The following TNFRSF21 variants were observed in gnomAD, a reference collection of about 807,000 sequenced individuals.
TNFRSF21 encodes the protein TNF receptor superfamily member 21, also known as tumor necrosis factor receptor superfamily member 21.
A neutral mutation model predicts 45.6 loss-of-function variants in TNFRSF21; 19 were observed. That is an observed-to-expected ratio of 0.42 (90% CI 0.29 to 0.61). The LOEUF is 0.61. Among genes scored for constraint, TNFRSF21 ranks in the 20% least tolerant of loss-of-function variants. The pLI, the probability that TNFRSF21 is intolerant of heterozygous loss-of-function variation, is 0.23. For missense variants in TNFRSF21, 737 were observed against 851.5 expected, an observed-to-expected ratio of 0.87 and a Z score of 1.67; for synonymous variants, 314 against 335.5, an observed-to-expected ratio of 0.94 and a Z score of 0.70.
intron 4 of TNFRSF21, among the ~76,000 whole-genome samples, chr6:47,246,165 T>C (rs1764822254): frequency 6.6e-6 from 1 of 152,220 alleles, no homozygotes; most frequent in African/African-American, 2.4e-5. Flanking sequence ...TGAAGCTTGC[T>C]AAATAAACCA....
chr6:47,242,656 C>CT (rs1764763711), intron 4 of TNFRSF21, among the ~76,000 whole-genome samples: 2 of 152,180 alleles, frequency 1.3e-5, no homozygotes, highest in Non-Finnish European at 2.9e-5. Context: ...GCTACCGGCA[C>CT]GGGTGTCTGC....
At chr6:47,298,004 T>C (rs1762813972) in intron 1 of TNFRSF21, among the ~76,000 whole-genome samples, 1 of 152,116 alleles carries the variant, frequency 6.6e-6, no homozygotes, top group Non-Finnish European at 1.5e-5. Flanking sequence ...ATGGGCCCAC[T>C]AGCATTTTCA....
chr6:47,241,314 G>A (rs376952301), intron 4 of TNFRSF21, among the ~76,000 whole-genome samples: 2 of 152,012 alleles, frequency 1.3e-5, no homozygotes, highest in Non-Finnish European at 2.9e-5. Context: ...TAAAATACTT[G>A]TATATAATGA....
chr6:47,234,429 GGCCGATA>G (rs1461094212), intron 5 of TNFRSF21, among the ~76,000 whole-genome samples: 2 of 152,226 alleles, frequency 1.3e-5, no homozygotes, highest in African/African-American at 4.8e-5. Flanking sequence ...GATAAAGGGT[GGCCGATA>G]GCTCTCCACC....
At chr6:47,274,524 C>T (rs1762468940) in intron 3 of TNFRSF21, among the ~76,000 whole-genome samples, 1 of 152,124 alleles carries the variant, frequency 6.6e-6, no homozygotes, top group South Asian at 2.1e-4. Context: ...AGACCTAAAA[C>T]CATAAAAACT....
chr6:47,271,079 T>A (rs770999092), intron 3 of TNFRSF21, among the ~76,000 whole-genome samples: 1 of 152,194 alleles, frequency 6.6e-6, no homozygotes, highest in Non-Finnish European at 1.5e-5. Flanking sequence ...TGGAACCAAG[T>A]TGGAAAACAC....
Position 47,284,141 on chromosome 6 carries a change from T to C in TNFRSF21, c.1040A>G (p.Asn347Ser), listed in dbSNP as rs1238790117. 1.9e-6 allele frequency: 3 copies of C among 1,614,196 alleles called. No homozygotes were observed. Among genetic ancestry groups the C allele is most frequent in the Non-Finnish European group, 2.5e-6 (3 of 1,180,026 alleles). ...RQNLHKHFDI[N>S]EHLPWMIVLF... ...CACAATCATCCAGGGCAAATGCTCATTGATGTCAAAATGCTTGTGTAGGTT... is the reference window on the plus strand; with the variant it reads ...CACAATCATCCAGGGCAAATGCTCACTGATGTCAAAATGCTTGTGTAGGTT... Residue 347 changes from asparagine (N) to serine (S), a missense_variant, in exon 3 of 6, where the codon AAT (asparagine) becomes AGT (serine). Asn to Ser is a conservative substitution (Grantham distance 46, BLOSUM62 1). Coordinates refer to ENST00000296861, the MANE Select transcript of TNFRSF21 (RefSeq NM_014452.5).
At chr6:47,259,341 G>A (rs984069210) in intron 3 of TNFRSF21, among the ~76,000 whole-genome samples, 1 of 151,846 alleles carries the variant, frequency 6.6e-6, no homozygotes, top group South Asian at 2.1e-4. Flanking sequence ...CCACTGAAGG[G>A]CTGATAGACA....
At position 47,234,678 on chromosome 6, in the gene TNFRSF21, A is replaced by G; in HGVS notation, c.1730T>C (p.Ile577Thr). ...TGCTGCGATGCCCGTACCTTTGGTA[A>G]TAAAGGAACCGTTCCTGCTCAGCGC... ...SSALSRNGSF[I>T]TKEKKDTVLR... Residue 577 changes from isoleucine (I) to threonine (T), a missense_variant, in exon 5 of 6, where the codon ATT (isoleucine) becomes ACT (threonine). Physicochemically the swap from Ile to Thr is moderately conservative, Grantham distance 89 (BLOSUM62 -1). Coordinates refer to ENST00000296861, the MANE Select transcript of TNFRSF21 (RefSeq NM_014452.5). 1 of 1,608,236 alleles carries G rather than the reference A, an allele frequency of 6.2e-7. No homozygotes were observed. The highest frequency in any genetic ancestry group is 8.5e-7 in the Non-Finnish European group (1 of 1,177,390).
At chr6:47,273,379 T>C (rs181181891) in intron 3 of TNFRSF21, among the ~76,000 whole-genome samples, 219 of 152,300 alleles carry the variant, frequency 1.4e-3, no homozygotes, top group African/African-American at 2.2e-3. Flanking sequence ...TCAATAAATG[T>C]AATCCATCAC....
At chr6:47,294,487 A>G (rs900735673) in intron 1 of TNFRSF21, among the ~76,000 whole-genome samples, 12 of 152,186 alleles carry the variant, frequency 7.9e-5, no homozygotes, top group African/African-American at 2.9e-4. Context: ...AAGCCTCCAC[A>G]ATGTAGCCAC....
Position 47,234,914 on chromosome 6 carries a change from T to A in TNFRSF21, c.1510-16A>T, listed in dbSNP as rs972222204. The A allele has an allele frequency of 2.3e-5, 29 of 1,285,122 alleles. No homozygotes were observed. The highest frequency in any genetic ancestry group is 3.1e-5 in the East Asian group (1 of 32,010). 79.6% of individuals were successfully genotyped at this position (1,285,122 alleles called of 1,614,324 possible). The stretch of plus-strand genomic sequence containing the variant: ...CAGTTTCCAGCTGTAGGAGGGAAAA[T>A]TTTTTTTTATTATATATAGAAAAAA... On this transcript the variant is annotated splice_polypyrimidine_tract_variant and intron_variant, in intron 4 of 5. Transcript: ENST00000296861.
At chr6:47,287,981 G>A (rs1018950922) in intron 1 of TNFRSF21, among the ~76,000 whole-genome samples, 5 of 152,284 alleles carry the variant, frequency 3.3e-5, no homozygotes, top group Admixed American at 3.3e-4. Context: ...CACTTTGAAA[G>A]CTGGTTGGTA....
chr6:47,272,738 G>C (rs1026016928), intron 3 of TNFRSF21, among the ~76,000 whole-genome samples: 9 of 152,068 alleles, frequency 5.9e-5, no homozygotes, highest in African/African-American at 2.2e-4. Flanking sequence ...CTGGTTTTTT[G>C]AGAAGATCAA....
chr6:47,294,943 T>C (rs1367193153), intron 1 of TNFRSF21, among the ~76,000 whole-genome samples: 6 of 152,252 alleles, frequency 3.9e-5, no homozygotes, highest in Non-Finnish European at 8.8e-5. Flanking sequence ...GTTTAAACTT[T>C]AGTTATGTGG....
chr6:47,236,986 C>T (rs1263403843), intron 4 of TNFRSF21, among the ~76,000 whole-genome samples: 1 of 152,108 alleles, frequency 6.6e-6, no homozygotes, highest in African/African-American at 2.4e-5. Flanking sequence ...TTTCCCCCCC[C>T]GATTTCACCA....
intron 3 of TNFRSF21, among the ~76,000 whole-genome samples, chr6:47,268,549 T>A (rs929517271): frequency 6.6e-6 from 1 of 152,186 alleles, no homozygotes; most frequent in African/African-American, 2.4e-5. Context: ...GAAGGTTTCA[T>A]TTGTGTTGAA....
Position 47,298,146 on chromosome 6 carries a change from T to C in TNFRSF21, c.96+11270A>G, listed in dbSNP as rs1762815279. 2.0e-5 allele frequency among the ~76,000 whole-genome samples: 3 copies of C among 152,196 alleles called. No individual in the cohort carries two copies. In the South Asian group the frequency reaches 6.2e-4, roughly 32 times the overall value. ...AAGCATTTCCCACAGTGAGTTTCCC[T>C]GATCTAGTCCCATGAGATATTAATG... On this transcript the variant is annotated intron_variant, in intron 1 of 5. Transcript: ENST00000296861.
intron 4 of TNFRSF21, among the ~76,000 whole-genome samples, chr6:47,252,792 C>T (rs1395665015): frequency 6.6e-6 from 1 of 152,196 alleles, no homozygotes; most frequent in Non-Finnish European, 1.5e-5. Context: ...TCATCAACTG[C>T]CGCTAGCACC....
Sources: allele counts gnomAD v4.1 joint callset (sites outside exome capture counted in the v4.1 genomes callset), GRCh38; gene constraint gnomAD v4.1.1; transcripts MANE v1.5; gene names NCBI Gene and HGNC (gene_info 2026-07-23, HGNC 2026-07-21).